SMPX: variants seen among roughly 807,000 people sequenced by gnomAD.
SMPX encodes the protein small muscle protein X-linked.
In SMPX, 2 loss-of-function variants were observed where a neutral mutation model predicts 6.3. The observed-to-expected ratio is 0.32, with a 90% confidence interval of 0.13 to 0.99. The LOEUF (loss-of-function observed/expected upper bound fraction) is 0.99. Among genes scored for constraint, SMPX ranks in the 50% least tolerant of loss-of-function variants. SMPX has a pLI of 0.49. For synonymous variants in SMPX, 32 were observed against 24.7 expected (o/e 1.30, Z -0.88); for missense variants, 60 against 66.8 (o/e 0.90, Z 0.36).
At chrX:21,719,540 AAAAGAAAGAAAG>A (rs377515861) in intron 4 of SMPX, among the ~76,000 whole-genome samples, 24 of 108,840 alleles carry the variant, frequency 2.2e-4, no homozygotes, top group Admixed American at 4.9e-4. Context: ...GAAGAAGAAG[AAAAGAAAGAAAG>A]AAAGAAAGAA....
chrX:21,754,182 A>C, intron 2 of SMPX, 64 bp downstream of exon 2: 1 of 919,578 alleles, frequency 1.1e-6, no homozygotes, highest in Non-Finnish European at 1.6e-6. Flanking sequence ...ATCAGCTAGG[A>C]GTGAACAATC....
intron 2 of SMPX, among the ~76,000 whole-genome samples, chrX:21,750,358 C>T (rs761624147): frequency 1.2e-3 from 129 of 111,667 alleles, no homozygotes; most frequent in African/African-American, 4.0e-3. Flanking sequence ...CTATAGTCCG[C>T]GGGCCAAATC....
At chrX:21,747,544 G>A (rs894618832) in intron 2 of SMPX, among the ~76,000 whole-genome samples, 3 of 111,325 alleles carry the variant, frequency 2.7e-5, no homozygotes, top group African/African-American at 6.5e-5. Flanking sequence ...GCTTGGCTCC[G>A]GGCTTTGAGC....
At chrX:21,715,299 T>C (rs868475028) in intron 4 of SMPX, among the ~76,000 whole-genome samples, 6 of 89,556 alleles carry the variant, frequency 6.7e-5, no homozygotes, top group Admixed American at 2.1e-4. Context: ...TGTGTGTGTG[T>C]GTGTGCGCGC....
chrX:21,714,458 T>C (rs1314932509), intron 4 of SMPX, among the ~76,000 whole-genome samples: 1 of 112,177 alleles, frequency 8.9e-6, no homozygotes, highest in African/African-American at 3.2e-5. Context: ...ATTTAGGTTC[T>C]TAATCAATTT....
intron 4 of SMPX, among the ~76,000 whole-genome samples, chrX:21,713,971 G>C (rs993007434): frequency 1.8e-5 from 2 of 112,215 alleles, no homozygotes; most frequent in South Asian, 3.6e-4. Context: ...CAAATCTTAA[G>C]TGAACTTGAT....
At chrX:21,742,191 AG>A (rs2092816791) in intron 3 of SMPX, among the ~76,000 whole-genome samples, 1 of 112,211 alleles carries the variant, frequency 8.9e-6, no homozygotes, top group Non-Finnish European at 1.9e-5. Flanking sequence ...TTTAAGAGGA[AG>A]CACAGGAAGC....
intron 2 of SMPX, among the ~76,000 whole-genome samples, chrX:21,747,126 A>T (rs4824207): frequency 9.0e-6 from 1 of 110,792 alleles, no homozygotes; most frequent in Non-Finnish European, 1.9e-5. Flanking sequence ...AAAATGTTTA[A>T]CACCAATGAC....
intron 2 of SMPX, among the ~76,000 whole-genome samples, chrX:21,744,435 G>C (rs759571292): frequency 1.8e-5 from 2 of 111,762 alleles, no homozygotes; most frequent in Non-Finnish European, 3.8e-5. Context: ...AGTTCCCTTC[G>C]TATCACCACC....
chrX:21,731,194 G>A (rs758701311), intron 4 of SMPX, among the ~76,000 whole-genome samples: 1 of 109,381 alleles, frequency 9.1e-6, no homozygotes, highest in Non-Finnish European at 1.9e-5. Flanking sequence ...ACTTCCTTCT[G>A]TTATTGATTT....
At chrX:21,728,563 T>TGTGACA (rs2092800031) in intron 4 of SMPX, among the ~76,000 whole-genome samples, 1 of 112,732 alleles carries the variant, frequency 8.9e-6, no homozygotes, top group Admixed American at 9.4e-5. Context: ...TGTTCGTCTT[T>TGTGACA]GTGACAGTGA....
intron 3 of SMPX, among the ~76,000 whole-genome samples, chrX:21,741,797 A>G (rs1329548330): frequency 8.9e-6 from 1 of 112,257 alleles, no homozygotes; most frequent in Non-Finnish European, 1.9e-5. Flanking sequence ...AAGACAAAAA[A>G]CAGAAACATC....
At chrX:21,735,712 C>A (rs972509370) in intron 4 of SMPX, among the ~76,000 whole-genome samples, 7 of 112,151 alleles carry the variant, frequency 6.2e-5, no homozygotes, top group African/African-American at 1.3e-4. Flanking sequence ...AAAGTAAAAA[C>A]CTTTAAAGTT....
At chrX:21,714,232 T>C (rs1015325849) in intron 4 of SMPX, among the ~76,000 whole-genome samples, 2 of 112,135 alleles carry the variant, frequency 1.8e-5, no homozygotes, top group Non-Finnish European at 3.8e-5. Flanking sequence ...GTTTAAGGGC[T>C]CCTTGGAACT....
At chrX:21,737,362 G>C (rs1044271812) in intron 4 of SMPX, among the ~76,000 whole-genome samples, 187 bp downstream of exon 4, 1 of 111,610 alleles carries the variant, frequency 9.0e-6, no homozygotes, top group African/African-American at 3.3e-5. Flanking sequence ...ATCTATGACT[G>C]GTGATGGAAT....
intron 4 of SMPX, among the ~76,000 whole-genome samples, chrX:21,708,610 A>G (rs1168449237): frequency 8.9e-6 from 1 of 112,258 alleles, no homozygotes; most frequent in Admixed American, 9.4e-5. Context: ...TTTCTACTCC[A>G]CTAACAAGGT....
intron 4 of SMPX, among the ~76,000 whole-genome samples, chrX:21,719,162 C>T (rs1005573121): frequency 1.6e-4 from 18 of 111,909 alleles, no homozygotes; most frequent in Admixed American, 1.3e-3. Context: ...TTTTCCCTCC[C>T]GTTAGTTGGA....
chrX:21,731,928 A>G (rs964921367), intron 4 of SMPX, among the ~76,000 whole-genome samples: 6 of 109,677 alleles, frequency 5.5e-5, no homozygotes, highest in African/African-American at 1.7e-4. Context: ...TCTAGACATT[A>G]TGGAAAATGG....
chrX:21,730,805 G>C (rs1307943738), intron 4 of SMPX, among the ~76,000 whole-genome samples: 1 of 112,113 alleles, frequency 8.9e-6, no homozygotes, highest in African/African-American at 3.2e-5. Context: ...CATTGTTATA[G>C]TGTTTATACA....
Sources: gnomAD v4.1 joint callset for allele counts (sites outside exome capture counted in the v4.1 genomes callset) on GRCh38, gnomAD v4.1.1 for gene constraint, MANE v1.5 for transcripts, NCBI Gene and HGNC (gene_info 2026-07-23, HGNC 2026-07-21) for gene names.